NBEA: variants seen among roughly 807,000 people sequenced by gnomAD.
NBEA encodes the protein lysosomal-trafficking regulator 2.
Under a neutral mutation model 343.4 loss-of-function variants are expected in NBEA, and 44 were observed. That is an observed-to-expected ratio of 0.13 (90% confidence interval 0.10 to 0.16). The LOEUF (loss-of-function observed/expected upper bound fraction) is 0.16, where lower values mean the gene tolerates loss of function less well. NBEA is among the 10% of genes least tolerant of loss of function. NBEA has a pLI of 1.00. For synonymous variants in NBEA, 1,175 were observed against 1,238.7 expected, an observed-to-expected ratio of 0.95 and a Z score of 1.08; for missense variants, 2,555 against 3,631.3, an observed-to-expected ratio of 0.70 and a Z score of 7.62.
At chr13:35,043,623 A>T (rs1169340304) in intron 2 of NBEA, among the ~76,000 whole-genome samples, 1 of 151,850 alleles carries the variant, frequency 6.6e-6, no homozygotes, top group Non-Finnish European at 1.5e-5. Context: ...TATTTCATTA[A>T]AATATCACTC....
At chr13:35,347,133 G>T (rs1371994733) in intron 36 of NBEA, among the ~76,000 whole-genome samples, 1 of 151,946 alleles carries the variant, frequency 6.6e-6, no homozygotes, top group African/African-American at 2.4e-5. Flanking sequence ...AATACATAAT[G>T]ATATTTTGTT....
rs558808675 is a variant in NBEA, at chr13:35,650,160, C to G, written c.7963+313C>G. ...ATTGCCTAACTGCAAAAAAATACAC[C>G]CTTCTTTTTTCCTATATCAAACAGA... On this transcript the variant is annotated intron_variant, in intron 52 of 58. Transcript: ENST00000379939. Among the ~76,000 whole-genome samples the G allele has an allele frequency of 3.3e-5, 5 of 152,204 alleles. No homozygotes were observed. In the South Asian group the frequency reaches 1.0e-3, roughly 32 times the overall value.
chr13:35,473,304 A>G (rs2075734520), intron 41 of NBEA, among the ~76,000 whole-genome samples: 1 of 152,214 alleles, frequency 6.6e-6, no homozygotes, highest in Admixed American at 6.5e-5. Context: ...TAAGAATTCA[A>G]CAGCATGAAG....
At position 34,942,907 on chromosome 13, in the gene NBEA, C is replaced by T. The variant is rs1262079952; in HGVS notation, c.87C>T (p.Gly29=). 6.8e-7 allele frequency: 1 copy of T among 1,472,636 alleles called. No individual in the cohort carries two copies. The highest frequency in any genetic ancestry group is 9.0e-7 in the Non-Finnish European group (1 of 1,107,624). 91.2% of individuals were successfully genotyped at this position (1,472,636 alleles called of 1,614,324 possible). A position where few individuals can be genotyped will look rare whatever the true frequency, so the allele number is the denominator to read the frequency against. The change falls in exon 1 of 59, where the codon GGC becomes GGT. Residue 29 remains glycine, a synonymous_variant. Coordinates refer to ENST00000379939, the MANE Select transcript of NBEA (RefSeq NM_001385012.1). ...CCGTCGGGGCCGCTGGCGGAGGCGG[C>T]GGGGGCAGCGGTGGTGGCGGCACCG... ...LIAVGAAGGG[G]GGSGGGGTGG...
rs181110569 is a variant in NBEA at position 35,406,451 on chromosome 13, C to T, written c.6180-25818C>T. ...ACCCAATTTGTAGCGTTTTATCCCTCATCCCCTCCCACCCTTTCTTTGAGT... is the reference window on the plus strand; with the variant it reads ...ACCCAATTTGTAGCGTTTTATCCCTTATCCCCTCCCACCCTTTCTTTGAGT... On this transcript the variant is annotated intron_variant, in intron 38 of 58. Transcript: ENST00000379939. 4.9e-4 allele frequency among the ~76,000 whole-genome samples: 74 copies of T among 152,220 alleles called. 1 individual carries two copies. The highest frequency in any genetic ancestry group is 1.8e-3 in the African/African-American group (73 of 41,550).
At chr13:35,287,420 T>G (rs564804351) in intron 34 of NBEA, among the ~76,000 whole-genome samples, 1 of 152,160 alleles carries the variant, frequency 6.6e-6, no homozygotes, top group South Asian at 2.1e-4. Flanking sequence ...TGCTTTAAAT[T>G]ATTCCTTTTG....
chr13:35,615,129 C>CAAAAAAAAAAAAAAAAAAAAAAAA (rs34475826), intron 48 of NBEA, among the ~76,000 whole-genome samples: 1 of 110,980 alleles, frequency 9.0e-6, no homozygotes. Context: ...ACTAAAAATA[C>CAAAAAAAAAAAAAAAAAAAAAAAA]AAAAAAAAAA....
chr13:35,185,922 A>AT (rs1186090826), intron 30 of NBEA: 1 of 152,000 alleles, frequency 6.6e-6, no homozygotes, highest in Non-Finnish European at 1.5e-5. Context: ...GGGGAAAGAT[A>AT]TTTTTTCATG....
chr13:35,535,129 T>A (rs2153000901), intron 41 of NBEA, among the ~76,000 whole-genome samples: 1 of 152,274 alleles, frequency 6.6e-6, no homozygotes, highest in South Asian at 2.1e-4. Context: ...TTGTGAAAGG[T>A]ACTCATTTGC....
At chr13:35,283,531 G>A (rs868198592) in intron 34 of NBEA, among the ~76,000 whole-genome samples, 4 of 151,932 alleles carry the variant, frequency 2.6e-5, no homozygotes, top group South Asian at 2.1e-4. Context: ...ATCAATCTTC[G>A]AAAATATCTC....
intron 46 of NBEA, among the ~76,000 whole-genome samples, chr13:35,586,710 T>C (rs1167994944): frequency 6.6e-6 from 1 of 152,208 alleles, no homozygotes; most frequent in Non-Finnish European, 1.5e-5. Flanking sequence ...GAATATTAGA[T>C]TTATGTCATT....
chr13:35,053,447 A>C (rs1455794348), intron 6 of NBEA, among the ~76,000 whole-genome samples: 1 of 152,044 alleles, frequency 6.6e-6, no homozygotes, highest in African/African-American at 2.4e-5. Flanking sequence ...CTTTTAGTGA[A>C]TATTTCTATG....
At chr13:35,546,816 G>C (rs1356644347) in intron 41 of NBEA, among the ~76,000 whole-genome samples, 1 of 152,030 alleles carries the variant, frequency 6.6e-6, no homozygotes, top group African/African-American at 2.4e-5. Flanking sequence ...ACCTCCCAAA[G>C]TGCTGGGATT....
chr13:35,435,485 C>A (rs2045378586), intron 39 of NBEA, among the ~76,000 whole-genome samples: 1 of 151,696 alleles, frequency 6.6e-6, no homozygotes, highest in Non-Finnish European at 1.5e-5. Context: ...TAATAGGGTG[C>A]CATACCTGCA....
chr13:35,267,642 C>T (rs2033792895), intron 34 of NBEA, among the ~76,000 whole-genome samples: 1 of 151,388 alleles, frequency 6.6e-6, no homozygotes, highest in Non-Finnish European at 1.5e-5. Context: ...ATAAAAATCT[C>T]CTAAAACTCA....
chr13:35,260,822 A>G (rs1483351599), intron 34 of NBEA, among the ~76,000 whole-genome samples: 1 of 152,176 alleles, frequency 6.6e-6, no homozygotes, highest in Non-Finnish European at 1.5e-5. Flanking sequence ...ATCCTAATTG[A>G]TTTCCTGGGA....
chr13:35,171,014 A>C lies in NBEA; in HGVS notation c.4243-258A>C. On this transcript the variant is annotated intron_variant, in intron 25 of 58. Coordinates refer to ENST00000379939, the MANE Select transcript of NBEA (RefSeq NM_001385012.1). ...GAAATGATCTTAAGTTTAGGATGTC[A>C]TTTTTATAACTAAAGACATTTAAAA... is the stretch of plus-strand genomic sequence containing the variant. 5.4e-6 allele frequency: 3 copies of C among 554,350 alleles called. No homozygotes were observed. In the East Asian group the frequency reaches 1.2e-4, roughly 22 times the overall value. The allele number at this position is 554,350 out of a possible 1,614,324, so 34.3% of individuals were successfully genotyped here. A position where few individuals can be genotyped will look rare whatever the true frequency, so the allele number is the denominator to read the frequency against.
chr13:35,665,226 G>T, intron 56 of NBEA, 40 bp downstream of exon 56: 1 of 1,473,508 alleles, frequency 6.8e-7, no homozygotes. Flanking sequence ...TCTAGAAGAT[G>T]ACTGTTTTCT....
chr13:35,359,344 A>G (rs2040677518), intron 38 of NBEA, among the ~76,000 whole-genome samples: 1 of 152,086 alleles, frequency 6.6e-6, no homozygotes, highest in African/African-American at 2.4e-5. Flanking sequence ...ACTGTGATAT[A>G]TCACTTAATG....
Sources: allele counts gnomAD v4.1 joint callset (sites outside exome capture counted in the v4.1 genomes callset), GRCh38; gene constraint gnomAD v4.1.1; transcripts MANE v1.5; gene names NCBI Gene and HGNC (gene_info 2026-07-23, HGNC 2026-07-21).